CACNA1C: variants seen among roughly 807,000 people sequenced by gnomAD.
CACNA1C encodes voltage-dependent L-type calcium channel subunit alpha-1C.
In CACNA1C, 30 loss-of-function variants were observed where a neutral mutation model predicts 229.0. The ratio of observed to expected loss-of-function variants is 0.13; its 90% confidence interval spans 0.10 to 0.18. The LOEUF is 0.18. Among genes scored for constraint, CACNA1C ranks in the 10% least tolerant of loss-of-function variants. CACNA1C has a pLI of 1.00. For synonymous variants in CACNA1C, 1,114 were observed against 1,132.5 expected, an observed-to-expected ratio of 0.98 and a Z score of 0.33; for missense variants, 1,658 against 2,845.0, an observed-to-expected ratio of 0.58 and a Z score of 9.49.
At chr12:2,339,064 T>C (rs2096784845) in intron 3 of CACNA1C, among the ~76,000 whole-genome samples, 1 of 152,234 alleles carries the variant, frequency 6.6e-6, no homozygotes, top group African/African-American at 2.4e-5. Flanking sequence ...GGATACATTC[T>C]AAGAAATGCG....
intron 1 of CACNA1C, among the ~76,000 whole-genome samples, chr12:2,106,491 G>A (rs1164164888): frequency 7.7e-5 from 8 of 104,386 alleles, no homozygotes; most frequent in East Asian, 3.2e-4. Context: ...CCCACCCCGG[G>A]GAGGGTTTCC....
intron 3 of CACNA1C, among the ~76,000 whole-genome samples, chr12:2,433,674 C>T (rs1312509659): frequency 1.7e-4 from 26 of 151,600 alleles, no homozygotes; most frequent in Non-Finnish European, 1.5e-5. Context: ...CTACAGACAG[C>T]CCTTCCTTCT....
In CACNA1C at chr12:2,191,289, C is replaced by G. The variant is rs562978782; in HGVS notation, c.477+70859C>G. On this transcript the variant is annotated intron_variant, in intron 3 of 46. Transcript: ENST00000399655. ...GATAGAGACAGACTGAAGCGCCGGC[C>G]CACACTCACCAGCAGCGTGGCTCTG... Among the ~76,000 whole-genome samples, 4 of 152,238 alleles carry G rather than the reference C, an allele frequency of 2.6e-5. 1 individual carries two copies. In the South Asian group the frequency reaches 6.2e-4, roughly 24 times the overall value.
intron 1 of CACNA1C, among the ~76,000 whole-genome samples, chr12:2,076,137 C>A (rs1456707582): frequency 1.3e-5 from 2 of 152,172 alleles, no homozygotes; most frequent in Non-Finnish European, 1.5e-5. Flanking sequence ...CTGGATCTGC[C>A]TTTCCTGACT....
At chr12:2,214,268 G>A (rs1266557781) in intron 3 of CACNA1C, among the ~76,000 whole-genome samples, 1 of 152,112 alleles carries the variant, frequency 6.6e-6, no homozygotes, top group Non-Finnish European at 1.5e-5. Context: ...GAAGTGCTCT[G>A]GGCTCCTGCT....
chr12:2,303,507 G>T (rs774360846), intron 3 of CACNA1C, among the ~76,000 whole-genome samples: 1 of 152,044 alleles, frequency 6.6e-6, no homozygotes, highest in Admixed American at 6.5e-5. Flanking sequence ...GCTCACACCC[G>T]TAACCCCAGC....
intron 3 of CACNA1C, among the ~76,000 whole-genome samples, chr12:2,148,232 T>C (rs949769326): frequency 6.6e-6 from 1 of 151,310 alleles, no homozygotes; most frequent in Admixed American, 6.6e-5. Context: ...AACTCCCTGT[T>C]GCCCGATGGT....
intron 3 of CACNA1C, among the ~76,000 whole-genome samples, chr12:2,399,735 T>C (rs1047840340): frequency 1.3e-5 from 2 of 152,242 alleles, no homozygotes; most frequent in African/African-American, 4.8e-5. Context: ...TTTAGGGCCA[T>C]GGGTCCAGGC....
At chr12:2,109,685 A>G (rs2080856394) in intron 1 of CACNA1C, among the ~76,000 whole-genome samples, 3 of 152,218 alleles carry the variant, frequency 2.0e-5, no homozygotes, top group Admixed American at 2.0e-4. Flanking sequence ...TGGCTGCTGC[A>G]TGGAGATTGG....
At chr12:2,007,851 T>A (rs1327436236) in intron 1 of CACNA1C, among the ~76,000 whole-genome samples, 1 of 152,226 alleles carries the variant, frequency 6.6e-6, no homozygotes, top group African/African-American at 2.4e-5. Flanking sequence ...CCTTTCAGCC[T>A]ATGAATCCTC....
At position 2,260,241 on chromosome 12, in the gene CACNA1C, G is replaced by A. The variant is rs115770283; in HGVS notation, c.477+139811G>A. On this transcript the variant is annotated intron_variant, in intron 3 of 46. Coordinates refer to ENST00000399655, the MANE Select transcript of CACNA1C (RefSeq NM_000719.7). ...CTGGTTAATCCCAGCACTTTAGGAG[G>A]CAGCAGCAGGAAGATTGCTTGAGCC... 6.2e-3 allele frequency among the ~76,000 whole-genome samples: 950 copies of A among 152,174 alleles called. 11 individuals are homozygous for A. Among genetic ancestry groups the A allele is most frequent in the African/African-American group, 0.022 (909 of 41,512 alleles).
chr12:2,225,593 G>A (rs1238342260), intron 3 of CACNA1C, among the ~76,000 whole-genome samples: 1 of 152,158 alleles, frequency 6.6e-6, no homozygotes, highest in Non-Finnish European at 1.5e-5. Context: ...AGTGGGGAGG[G>A]AAAGTGTTCT....
chr12:2,421,131 C>T (rs1005419741), intron 3 of CACNA1C, among the ~76,000 whole-genome samples: 3 of 152,294 alleles, frequency 2.0e-5, no homozygotes, highest in East Asian at 1.9e-4. Flanking sequence ...CCAACCCAAA[C>T]GTGCAGAATA....
chr12:2,567,854 C>T, intron 13 of CACNA1C, 60 bp downstream of exon 13: 1 of 1,074,460 alleles, frequency 9.3e-7, no homozygotes. Context: ...TTCCAGAGGG[C>T]AAGGGAGGTG....
intron 3 of CACNA1C, among the ~76,000 whole-genome samples, chr12:2,237,024 T>A (rs376285190): frequency 2.0e-4 from 31 of 152,314 alleles, no homozygotes; most frequent in African/African-American, 7.5e-4. Context: ...TTTTGGTAGA[T>A]AAGCACATCT....
intron 3 of CACNA1C, among the ~76,000 whole-genome samples, chr12:2,300,888 G>A (rs2094503727): frequency 6.6e-6 from 1 of 152,210 alleles, no homozygotes; most frequent in African/African-American, 2.4e-5. Flanking sequence ...CAAATCCAAA[G>A]AGATATCCAA....
At chr12:2,507,658 G>A (rs76753568) in intron 8 of CACNA1C, among the ~76,000 whole-genome samples, 5,516 of 152,308 alleles carry the variant, frequency 0.036, 122 homozygotes, top group Middle Eastern at 0.071. Flanking sequence ...CGTGCTCGGC[G>A]TGTTCGCTAG....
At position 2,404,415 on chromosome 12, in the gene CACNA1C, C is replaced by T. The variant is rs532399349; in HGVS notation, c.478-44561C>T. Among the ~76,000 whole-genome samples, 19 of 152,326 alleles carry T rather than the reference C, an allele frequency of 1.2e-4. No homozygotes were observed. The South Asian group carries it at 3.9e-3, about 32-fold the overall frequency. On this transcript the variant is annotated intron_variant, in intron 3 of 46. Coordinates refer to ENST00000399655, the MANE Select transcript of CACNA1C (RefSeq NM_000719.7). ...CCACCCTCTTCTTAGGAGCCCCGCA[C>T]CCAAGCCAGGCATTTTGCATGGGAA...
intron 22 of CACNA1C, 83 bp from the exon 23 acceptor site, chr12:2,604,998 G>A (rs946315374): frequency 9.6e-6 from 10 of 1,036,528 alleles, no homozygotes; most frequent in African/African-American, 1.6e-5. Context: ...GGATTCACCT[G>A]TCAGGACATT....
Sources: allele counts gnomAD v4.1 joint callset (sites outside exome capture counted in the v4.1 genomes callset), GRCh38; gene constraint gnomAD v4.1.1; transcripts MANE v1.5; gene names NCBI Gene and HGNC (gene_info 2026-07-23, HGNC 2026-07-21).